Variants in COL5A2 observed in about 807,000 individuals in gnomAD.
The protein encoded by COL5A2 is collagen type V alpha 2 chain.
In COL5A2, 23 loss-of-function variants were observed where a neutral mutation model predicts 208.2. That is an observed-to-expected ratio of 0.11 (90% CI 0.08 to 0.16). The LOEUF is 0.16. COL5A2 is among the 10% of genes least tolerant of loss of function. COL5A2 has a pLI of 1.00. For missense variants in COL5A2, 1,590 were observed against 1,956.4 expected (o/e 0.81, Z 3.53); for synonymous variants, 625 against 628.5 (o/e 0.99, Z 0.08).
chr2:189,174,418 G>A (rs1009609072), intron 1 of COL5A2, among the ~76,000 whole-genome samples: 1 of 152,180 alleles, frequency 6.6e-6, no homozygotes, highest in African/African-American at 2.4e-5. Context: ...CTTTGCAATG[G>A]TTTACCTACA....
chr2:189,051,216 T>C, intron 42 of COL5A2, 104 bp downstream of exon 42: 1 of 1,439,028 alleles, frequency 6.9e-7, no homozygotes, highest in South Asian at 1.2e-5. Context: ...TTTAGGAATG[T>C]GCCCAGCATA....
the COL5A2 span, among the ~76,000 whole-genome samples, chr2:189,277,826 G>T: frequency 6.6e-6 from 1 of 152,192 alleles, no homozygotes; most frequent in East Asian, 1.9e-4. Flanking sequence ...AAACAGTGAT[G>T]ATCTGCAAGT....
At chr2:189,235,271 A>G in the COL5A2 span, among the ~76,000 whole-genome samples, 4 of 151,824 alleles carry the variant, frequency 2.6e-5, no homozygotes, top group Non-Finnish European at 4.4e-5. Flanking sequence ...GGCATAGAGG[A>G]GAACTATCAG....
chr2:189,229,657 A>G (rs1238191553), upstream of COL5A2, among the ~76,000 whole-genome samples: 1 of 151,774 alleles, frequency 6.6e-6, no homozygotes, highest in African/African-American at 2.4e-5. Flanking sequence ...TAAAAACTAT[A>G]AGACATTAAA....
At chr2:189,253,816 T>C in the COL5A2 span, among the ~76,000 whole-genome samples, 1 of 152,246 alleles carries the variant, frequency 6.6e-6, no homozygotes, top group Non-Finnish European at 1.5e-5. Flanking sequence ...ACAGATAATC[T>C]TGCATTTGAG....
At chr2:189,122,632 T>C (rs189901857) in intron 1 of COL5A2, among the ~76,000 whole-genome samples, 2 of 152,348 alleles carry the variant, frequency 1.3e-5, no homozygotes, top group African/African-American at 4.8e-5. Flanking sequence ...TTGGTTTGTT[T>C]GCATGTAAAC....
At chr2:189,418,465 G>A in the COL5A2 span, among the ~76,000 whole-genome samples, 35 of 152,256 alleles carry the variant, frequency 2.3e-4, no homozygotes, top group African/African-American at 8.2e-4. Context: ...AGCTAAAATA[G>A]GATATCTGCT....
intron 1 of COL5A2, among the ~76,000 whole-genome samples, chr2:189,114,903 T>A (rs1445937696): frequency 6.6e-6 from 1 of 151,982 alleles, no homozygotes; most frequent in East Asian, 1.9e-4. Flanking sequence ...AATATTTTTA[T>A]ATAATCTAAA....
chr2:189,277,439 C>T, the COL5A2 span, among the ~76,000 whole-genome samples: 1,346 of 152,158 alleles, frequency 8.8e-3, 19 homozygotes, highest in African/African-American at 0.03. Context: ...TTATTACCTG[C>T]GAGTTCGGGT....
intron 1 of COL5A2, among the ~76,000 whole-genome samples, chr2:189,205,182 AT>A (rs1689127914): frequency 6.6e-6 from 1 of 152,240 alleles, no homozygotes; most frequent in African/African-American, 2.4e-5. Flanking sequence ...AACACAGCTT[AT>A]TCTGTTTCCC....
the COL5A2 span, among the ~76,000 whole-genome samples, chr2:189,305,182 C>T: frequency 6.6e-6 from 1 of 152,200 alleles, no homozygotes; most frequent in Non-Finnish European, 1.5e-5. Context: ...AGCAGCCTCA[C>T]AAATCTACCA....
chr2:189,438,737 T>C, the COL5A2 span, among the ~76,000 whole-genome samples: 1 of 152,164 alleles, frequency 6.6e-6, no homozygotes, highest in South Asian at 2.1e-4. Context: ...ATCCTATTTG[T>C]GATGGTGGAT....
the COL5A2 span, among the ~76,000 whole-genome samples, chr2:189,262,009 A>G: frequency 2.0e-5 from 3 of 152,162 alleles, no homozygotes; most frequent in Non-Finnish European, 4.4e-5. Context: ...ATTATTTTCT[A>G]TTATTGTTTT....
the COL5A2 span, among the ~76,000 whole-genome samples, chr2:189,275,033 G>GA: frequency 2.6e-5 from 4 of 151,826 alleles, no homozygotes; most frequent in Non-Finnish European, 5.9e-5. Context: ...ATTATTTCTA[G>GA]AAAAAAGGAT....
chr2:189,131,782 T>A (rs1245069921), intron 1 of COL5A2, among the ~76,000 whole-genome samples: 1 of 152,202 alleles, frequency 6.6e-6, no homozygotes, highest in South Asian at 2.1e-4. Flanking sequence ...AGTTTTAGAG[T>A]TCCTCTAAGA....
rs1161498370 is a variant in COL5A2 at position 189,034,276 on chromosome 2, C to G, written c.4354-60G>C. 3 of 1,567,658 alleles carry G rather than the reference C, an allele frequency of 1.9e-6. No individual in the cohort carries two copies. The East Asian group carries it at 6.7e-5, about 35-fold the overall frequency. On this transcript the variant is annotated intron_variant, in intron 53 of 53. Transcript: ENST00000374866. ...TACAATTTTTTCCAAGTATGTTAGA[C>G]AGCAACCTTCCCAGACACTTTTATA...
chr2:189,327,138 C>T, the COL5A2 span, among the ~76,000 whole-genome samples: 1 of 151,100 alleles, frequency 6.6e-6, no homozygotes, highest in Non-Finnish European at 1.5e-5. Flanking sequence ...AAAATGAAAG[C>T]ATAAGTAACA....
At chr2:189,296,098 C>A in the COL5A2 span, among the ~76,000 whole-genome samples, 1 of 152,106 alleles carries the variant, frequency 6.6e-6, no homozygotes, top group African/African-American at 2.4e-5. Context: ...CTATTCTAGG[C>A]TGCTTGAAAA....
At chr2:189,308,604 G>C in the COL5A2 span, among the ~76,000 whole-genome samples, 2 of 152,112 alleles carry the variant, frequency 1.3e-5, no homozygotes, top group Admixed American at 6.5e-5. Context: ...CTCTGAAGCT[G>C]TTACCAGGAG....
Sources: gnomAD v4.1 joint callset for allele counts (sites outside exome capture counted in the v4.1 genomes callset) on GRCh38, gnomAD v4.1.1 for gene constraint, MANE v1.5 for transcripts, NCBI Gene and HGNC (gene_info 2026-07-23, HGNC 2026-07-21) for gene names.